Variants in YES1 observed in about 807,000 individuals in gnomAD.
YES1 encodes the protein YES proto-oncogene 1, Src family tyrosine kinase.
In YES1, 39 loss-of-function variants were observed where a neutral mutation model predicts 70.4. That is an observed-to-expected ratio of 0.55 (90% confidence interval 0.43 to 0.72). The LOEUF (loss-of-function observed/expected upper bound fraction) is 0.72, where lower values mean the gene tolerates loss of function less well. Among genes scored for constraint, YES1 ranks in the 30% least tolerant of loss-of-function variants. The pLI is 0.00. For synonymous variants in YES1, 198 were observed against 218.6 expected (o/e 0.91, Z 0.83); for missense variants, 495 against 644.8 (o/e 0.77, Z 2.52).
intron 3 of YES1, among the ~76,000 whole-genome samples, chr18:749,119 C>A (rs2080312831): frequency 6.6e-6 from 1 of 152,056 alleles, no homozygotes; most frequent in Admixed American, 6.6e-5. Flanking sequence ...CGAGATCATG[C>A]CACTGGACTC....
chr18:758,302 G>C (rs1399158649), intron 1 of YES1, among the ~76,000 whole-genome samples: 4 of 152,130 alleles, frequency 2.6e-5, no homozygotes, highest in Admixed American at 1.3e-4. Flanking sequence ...AAGGGCTCAA[G>C]AGTTGTATAT....
chr18:791,221 G>T (rs964889919), intron 1 of YES1, among the ~76,000 whole-genome samples: 3 of 149,828 alleles, frequency 2.0e-5, no homozygotes, highest in African/African-American at 7.4e-5. Context: ...TTGCACTCCA[G>T]CCTGGCCAAC....
Position 746,064 on chromosome 18 carries a change from T to C in YES1, c.471-13A>G. 1 of 1,598,432 alleles carries C rather than the reference T, an allele frequency of 6.3e-7. No homozygotes were observed. The highest frequency in any genetic ancestry group is 8.6e-7 in the Non-Finnish European group (1 of 1,169,252). On this transcript the variant is annotated splice_polypyrimidine_tract_variant and intron_variant, in intron 4 of 11. Transcript: ENST00000314574. The stretch of plus-strand genomic sequence containing the variant: ...GCCAAAATACCATCTGGAAAAAAAT[T>C]AAGTGTTTTGAATTGAAAAGTATGA...
At chr18:782,491 T>C (rs1200005769) in intron 1 of YES1, among the ~76,000 whole-genome samples, 1 of 152,072 alleles carries the variant, frequency 6.6e-6, no homozygotes, top group Admixed American at 6.6e-5. Context: ...TCAAAATACT[T>C]AGGGCTCACT....
intron 1 of YES1, among the ~76,000 whole-genome samples, chr18:759,701 TTA>T (rs1201294376): frequency 7.4e-5 from 7 of 94,100 alleles, no homozygotes; most frequent in Admixed American, 1.1e-4. Flanking sequence ...GACAATTTAT[TTA>T]TTTCTTTTTT....
intron 11 of YES1, among the ~76,000 whole-genome samples, chr18:732,623 C>A (rs1204109437): frequency 3.3e-5 from 5 of 151,876 alleles, no homozygotes; most frequent in Non-Finnish European, 7.4e-5. Flanking sequence ...ATGTGCTCAC[C>A]CTGTCAAGGA....
intron 1 of YES1, among the ~76,000 whole-genome samples, chr18:801,304 C>A (rs1007610093): frequency 6.6e-6 from 1 of 151,994 alleles, no homozygotes; most frequent in African/African-American, 2.4e-5. Context: ...CTGGAGTCCA[C>A]CCTGGGAGAC....
intron 1 of YES1, among the ~76,000 whole-genome samples, chr18:782,892 G>A (rs750761587): frequency 2.4e-4 from 37 of 152,042 alleles, no homozygotes; most frequent in African/African-American, 3.1e-4. Flanking sequence ...ACAGGGTTTC[G>A]CCATATTAGC....
rs753062108 is a variant in YES1, at chr18:742,918, C to A, written c.1060G>T (p.Gly354Ter). Residue 354 changes from glycine to a stop codon, truncating the protein, a stop_gained and splice_region_variant, in exon 8 of 12, where the codon GGA (glycine) becomes TGA (stop). Coordinates refer to ENST00000314574, the MANE Select transcript of YES1 (RefSeq NM_005433.4). LOFTEE classifies it high-confidence loss of function. ...TACCTAAGGAGATACTAATACATACCTTTTGACATAAATTCAGTGACAATG... is the reference window on the plus strand; with the variant it reads ...TACCTAAGGAGATACTAATACATACATTTTGACATAAATTCAGTGACAATG... ...IYIVTEFMSK[G>*]SLLDFLKEGD... 1 of 1,584,318 alleles carries A rather than the reference C, an allele frequency of 6.3e-7. No homozygotes were observed. Among genetic ancestry groups the A allele is most frequent in the South Asian group, 1.2e-5 (1 of 83,544 alleles).
At chr18:760,062 G>A (rs1904506547) in intron 1 of YES1, among the ~76,000 whole-genome samples, 2 of 152,104 alleles carry the variant, frequency 1.3e-5, no homozygotes, top group South Asian at 4.1e-4. Context: ...TGGCTGCATA[G>A]TATTCCATGG....
At position 732,094 on chromosome 18, in the gene YES1, A is replaced by G. The variant is rs537184426; in HGVS notation, c.1423+740T>C. Among the ~76,000 whole-genome samples, 16 of 152,210 alleles carry G rather than the reference A, an allele frequency of 1.1e-4. No homozygotes were observed. In the East Asian group the frequency reaches 2.5e-3, roughly 24 times the overall value. The stretch of plus-strand genomic sequence containing the variant: ...AATAGGTTAGAGAAATAAAACAAGA[A>G]AAGAATCTCAAAATAATCTACTGAA... On this transcript the variant is annotated intron_variant, in intron 11 of 11. Coordinates refer to ENST00000314574, the MANE Select transcript of YES1 (RefSeq NM_005433.4).
At chr18:764,886 C>A (rs1472066805) in intron 1 of YES1, among the ~76,000 whole-genome samples, 2 of 151,962 alleles carry the variant, frequency 1.3e-5, no homozygotes, top group South Asian at 4.2e-4. Context: ...GTGCACACCA[C>A]CACACCCGGC....
At chr18:726,000 A>C (rs543969333) in intron 11 of YES1, among the ~76,000 whole-genome samples, 1 of 152,324 alleles carries the variant, frequency 6.6e-6, no homozygotes, top group African/African-American at 2.4e-5. Context: ...GCTTACTATA[A>C]TTGAACTTCT....
At chr18:792,614 C>G (rs1270602300) in intron 1 of YES1, among the ~76,000 whole-genome samples, 2 of 149,018 alleles carry the variant, frequency 1.3e-5, no homozygotes, top group South Asian at 2.1e-4. Context: ...TATATACATA[C>G]ATATATATAC....
At position 739,532 on chromosome 18, in the gene YES1, A is replaced by G. The variant is rs769028947; in HGVS notation, c.1137+203T>C. The stretch of plus-strand genomic sequence containing the variant: ...GCGAGAGGATTGCTAGAGCCCAAGA[A>G]TTCAAGGCTCTTCAAGCACGGAGCT... On this transcript the variant is annotated intron_variant, in intron 9 of 11. Transcript: ENST00000314574. The G allele has an allele frequency of 7.5e-6, 3 of 401,378 alleles. No homozygotes were observed. The East Asian group carries it at 1.1e-4, about 15-fold the overall frequency. 24.9% of individuals were successfully genotyped at this position (401,378 alleles called of 1,614,324 possible).
intron 8 of YES1, 35 bp downstream of exon 8, chr18:742,883 T>C (rs1314629269): frequency 3.3e-6 from 5 of 1,498,304 alleles, no homozygotes; most frequent in Non-Finnish European, 4.5e-6. Flanking sequence ...AAAAACATTA[T>C]CAACACAAAT....
chr18:784,998 CT>C (rs1905862245), intron 1 of YES1, among the ~76,000 whole-genome samples: 1 of 152,142 alleles, frequency 6.6e-6, no homozygotes, highest in South Asian at 2.1e-4. Context: ...AACAATCATG[CT>C]CATGCTCAAC....
At chr18:735,161 C>CAAA (rs71174281) in intron 10 of YES1, among the ~76,000 whole-genome samples, 1 of 110,666 alleles carries the variant, frequency 9.0e-6, no homozygotes. Context: ...TGTCTCAAAG[C>CAAA]AAAAAAAAAA....
intron 1 of YES1, among the ~76,000 whole-genome samples, chr18:772,670 G>A (rs1905212859): frequency 2.0e-5 from 3 of 152,092 alleles, no homozygotes; most frequent in African/African-American, 7.2e-5. Context: ...GACCTCAGGT[G>A]ATCCACCTGC....
Sources: allele counts gnomAD v4.1 joint callset (sites outside exome capture counted in the v4.1 genomes callset), GRCh38; gene constraint gnomAD v4.1.1; transcripts MANE v1.5; gene names NCBI Gene and HGNC (gene_info 2026-07-23, HGNC 2026-07-21).